EEPD1: variants seen among roughly 807,000 people sequenced by gnomAD.
EEPD1 encodes endonuclease/exonuclease/phosphatase family domain-containing protein 1.
A neutral mutation model predicts 46.3 loss-of-function variants in EEPD1; 17 were observed. The observed-to-expected ratio is 0.37, with a 90% confidence interval of 0.25 to 0.55. The LOEUF (loss-of-function observed/expected upper bound fraction) is 0.55, where lower values mean the gene tolerates loss of function less well. EEPD1 is among the 20% of genes least tolerant of loss of function. The pLI, the probability that EEPD1 is intolerant of heterozygous loss-of-function variation, is 0.83. For missense variants in EEPD1, 673 were observed against 745.6 expected, an observed-to-expected ratio of 0.90 and a Z score of 1.13; for synonymous variants, 313 against 315.6, an observed-to-expected ratio of 0.99 and a Z score of 0.09.
intron 3 of EEPD1, among the ~76,000 whole-genome samples, chr7:36,244,678 G>A (rs1268610256): frequency 6.6e-6 from 1 of 151,886 alleles, no homozygotes; most frequent in African/African-American, 2.4e-5. Flanking sequence ...GATCTTCCCT[G>A]AAGGCCCCAG....
chr7:36,281,345 C>T (rs1787259846), intron 4 of EEPD1, 120 bp downstream of exon 4: 3 of 897,640 alleles, frequency 3.3e-6, no homozygotes, highest in Non-Finnish European at 5.1e-6. Flanking sequence ...TGTATTTCTG[C>T]CCAATTTTTA....
chr7:36,169,375 C>A (rs1019318892), intron 2 of EEPD1, among the ~76,000 whole-genome samples: 2 of 152,210 alleles, frequency 1.3e-5, no homozygotes, highest in Non-Finnish European at 2.9e-5. Context: ...GGCTATTTCT[C>A]TACATCCTCA....
chr7:36,265,005 C>A (rs1786991142), intron 3 of EEPD1, among the ~76,000 whole-genome samples: 2 of 151,846 alleles, frequency 1.3e-5, no homozygotes. Flanking sequence ...TAATACAGAT[C>A]AAAATAAAAT....
At chr7:36,238,476 T>C (rs555702595) in intron 2 of EEPD1, among the ~76,000 whole-genome samples, 1 of 152,354 alleles carries the variant, frequency 6.6e-6, no homozygotes, top group South Asian at 2.1e-4. Context: ...AGATATCTCA[T>C]ATAAGTGGGA....
At chr7:36,262,247 C>T (rs1414503900) in intron 3 of EEPD1, among the ~76,000 whole-genome samples, 4 of 151,968 alleles carry the variant, frequency 2.6e-5, no homozygotes, top group Non-Finnish European at 4.4e-5. Context: ...GGGTGAAGTG[C>T]GGAGGATTGC....
intron 2 of EEPD1, among the ~76,000 whole-genome samples, chr7:36,170,018 C>G (rs1222709303): frequency 6.6e-6 from 1 of 152,216 alleles, no homozygotes; most frequent in Admixed American, 6.5e-5. Context: ...ATCTGCAAAT[C>G]ACAGGCCCTT....
intron 4 of EEPD1, among the ~76,000 whole-genome samples, chr7:36,282,173 C>T (rs1297669974): frequency 6.6e-6 from 1 of 152,222 alleles, no homozygotes; most frequent in South Asian, 2.1e-4. Flanking sequence ...AATTTGAATG[C>T]ATCTAGTTCA....
intron 2 of EEPD1, among the ~76,000 whole-genome samples, chr7:36,212,064 G>C (rs747823292): frequency 6.6e-6 from 1 of 152,090 alleles, no homozygotes; most frequent in Non-Finnish European, 1.5e-5. Flanking sequence ...TAAATCTAAA[G>C]GGAAGGTCAT....
intron 2 of EEPD1, among the ~76,000 whole-genome samples, chr7:36,184,121 G>A (rs1381039737): frequency 6.6e-6 from 1 of 152,020 alleles, no homozygotes; most frequent in East Asian, 1.9e-4. Flanking sequence ...TACTCAATTT[G>A]CTATTGTCAA....
chr7:36,176,488 C>T lies in EEPD1; in HGVS notation c.878+21286C>T, dbSNP rs186486249. Among the ~76,000 whole-genome samples, 360 of 152,294 alleles carry T rather than the reference C, an allele frequency of 2.4e-3. 3 individuals carry two copies. Among genetic ancestry groups the T allele is most frequent in the African/African-American group, 8.0e-3 (332 of 41,566 alleles). The stretch of plus-strand genomic sequence containing the variant: ...AACGGATGTCGGAATAAAGTTATTT[C>T]GGTTCAGATGCTATGTCGTAGCGCT... On this transcript the variant is annotated intron_variant, in intron 2 of 7. Coordinates refer to ENST00000242108, the MANE Select transcript of EEPD1 (RefSeq NM_030636.3).
intron 2 of EEPD1, among the ~76,000 whole-genome samples, chr7:36,238,614 A>G (rs982891310): frequency 2.0e-5 from 3 of 152,166 alleles, no homozygotes; most frequent in Non-Finnish European, 4.4e-5. Context: ...AAAAGTATAT[A>G]CTACGTTTTG....
intron 6 of EEPD1, among the ~76,000 whole-genome samples, chr7:36,295,133 C>A (rs187924514): frequency 1.0e-3 from 156 of 150,942 alleles, no homozygotes; most frequent in African/African-American, 3.6e-3. Flanking sequence ...AGCCGAGATC[C>A]ACCACTGCAC....
intron 3 of EEPD1, among the ~76,000 whole-genome samples, chr7:36,254,907 A>G (rs1786804742): frequency 6.6e-6 from 1 of 152,086 alleles, no homozygotes; most frequent in South Asian, 2.1e-4. Flanking sequence ...GCTTTTTTTC[A>G]TATGTTTTTT....
rs530007461 is a variant in EEPD1 at position 36,215,129 on chromosome 7, C to G, written c.879-23856C>G. Among the ~76,000 whole-genome samples the G allele has an allele frequency of 2.0e-5, 3 of 152,320 alleles. No individual in the cohort carries two copies. In the East Asian group the frequency reaches 5.8e-4, roughly 29 times the overall value. On this transcript the variant is annotated intron_variant, in intron 2 of 7. Coordinates refer to ENST00000242108, the MANE Select transcript of EEPD1 (RefSeq NM_030636.3). The stretch of plus-strand genomic sequence containing the variant: ...CAGCTGGAATTCATAGCAGTGGCGT[C>G]TGGGACCCATAGCTTTGAAGACACG...
At chr7:36,227,378 G>T (rs1786248001) in intron 2 of EEPD1, among the ~76,000 whole-genome samples, 1 of 152,120 alleles carries the variant, frequency 6.6e-6, no homozygotes, top group Non-Finnish European at 1.5e-5. Context: ...TCCCGCACTT[G>T]GCTTTGGCAA....
intron 2 of EEPD1, among the ~76,000 whole-genome samples, chr7:36,162,143 C>G (rs1368867330): frequency 6.6e-6 from 1 of 152,156 alleles, no homozygotes; most frequent in Non-Finnish European, 1.5e-5. Flanking sequence ...GGCTGTTAGT[C>G]CTCATCAAAT....
Position 36,155,164 on chromosome 7 carries a change from G to A in EEPD1, c.840G>A (p.Gly280=). The A allele has an allele frequency of 6.6e-7, 1 of 1,521,238 alleles. No individual in the cohort carries two copies. Among genetic ancestry groups the A allele is most frequent in the Non-Finnish European group, 8.8e-7 (1 of 1,135,756 alleles). The allele number at this position is 1,521,238 out of a possible 1,614,324, so 94.2% of individuals were successfully genotyped here. The change falls in exon 2 of 8, where the codon GGG becomes GGA. Residue 280 remains glycine, a synonymous_variant. Transcript: ENST00000242108. The stretch of plus-strand genomic sequence containing the variant: ...CCGTGGAGAAGGCCAACAACCCCGG[G>A]GTGCGAGAGGTGGTGTGCATGACAC... ...GCSVEKANNP[G]VREVVCMTLL...
chr7:36,236,419 T>A (rs1243840886), intron 2 of EEPD1, among the ~76,000 whole-genome samples: 1 of 152,228 alleles, frequency 6.6e-6, no homozygotes, highest in Non-Finnish European at 1.5e-5. Flanking sequence ...ATCCCGTGCG[T>A]GGACCGCCGT....
chr7:36,221,621 A>G (rs754714716), intron 2 of EEPD1, among the ~76,000 whole-genome samples: 8 of 152,178 alleles, frequency 5.3e-5, no homozygotes, highest in Non-Finnish European at 1.2e-4. Flanking sequence ...AATCATTTAG[A>G]TCCTGTTTTT....
Sources: allele counts gnomAD v4.1 joint callset (sites outside exome capture counted in the v4.1 genomes callset), GRCh38; gene constraint gnomAD v4.1.1; transcripts MANE v1.5; gene names NCBI Gene and HGNC (gene_info 2026-07-23, HGNC 2026-07-21).